The following TENM1 variants were observed in gnomAD, a reference collection of about 807,000 sequenced individuals.
The protein encoded by TENM1 is teneurin-1.
In TENM1, 35 loss-of-function variants were observed where a neutral mutation model predicts 174.8. That is an observed-to-expected ratio of 0.20 (90% CI 0.15 to 0.27). The LOEUF (loss-of-function observed/expected upper bound fraction) is 0.27, where lower values mean the gene tolerates loss of function less well. Among genes scored for constraint, TENM1 ranks in the 10% least tolerant of loss-of-function variants. The pLI, the probability that TENM1 is intolerant of heterozygous loss-of-function variation, is 1.00. For missense variants in TENM1, 1,633 were observed against 2,130.1 expected (o/e 0.77, Z 4.59); for synonymous variants, 781 against 798.7 (o/e 0.98, Z 0.37).
chrX:124,407,968 C>T (rs1169408445), intron 25 of TENM1, among the ~76,000 whole-genome samples: 3 of 110,973 alleles, frequency 2.7e-5, no homozygotes, highest in Non-Finnish European at 5.7e-5. Context: ...GGGTTAATGG[C>T]AAAATCCTTC....
chrX:124,873,944 T>A (rs1249277925), intron 3 of TENM1, among the ~76,000 whole-genome samples: 1 of 111,735 alleles, frequency 8.9e-6, no homozygotes, highest in Non-Finnish European at 1.9e-5. Flanking sequence ...TACTTATATG[T>A]CTTATTCTCT....
At chrX:124,648,112 A>C (rs1328458884) in intron 8 of TENM1, among the ~76,000 whole-genome samples, 3 of 111,767 alleles carry the variant, frequency 2.7e-5, no homozygotes, top group Non-Finnish European at 5.6e-5. Flanking sequence ...TCAGCTCTAG[A>C]TCTACCAAAC....
chrX:124,438,269 T>C (rs1314591218), intron 23 of TENM1, among the ~76,000 whole-genome samples: 1 of 111,386 alleles, frequency 9.0e-6, no homozygotes, highest in Non-Finnish European at 1.9e-5. Context: ...TCAACCCACA[T>C]ACAAGGATAG....
chrX:125,126,862 G>T, the TENM1 span, among the ~76,000 whole-genome samples: 1 of 111,469 alleles, frequency 9.0e-6, no homozygotes, highest in Non-Finnish European at 1.9e-5. Flanking sequence ...GTGGAAATGG[G>T]TTGGATGGAG....
the TENM1 span, among the ~76,000 whole-genome samples, chrX:125,111,029 G>A: frequency 1.3e-4 from 15 of 111,886 alleles, no homozygotes; most frequent in Admixed American, 1.3e-3. Context: ...CACATGGTAG[G>A]TACTCCCTAA....
At chrX:124,793,201 T>G (rs1334231646) in intron 3 of TENM1, among the ~76,000 whole-genome samples, 1 of 111,675 alleles carries the variant, frequency 9.0e-6, no homozygotes, top group Non-Finnish European at 1.9e-5. Flanking sequence ...CAATAAATTA[T>G]GATCAATATA....
At position 124,750,461 on chromosome X, in the gene TENM1, C is replaced by T. The variant is rs750573143; in HGVS notation, c.536-13264G>A. On this transcript the variant is annotated intron_variant, in intron 3 of 31. Coordinates refer to ENST00000422452, the Ensembl canonical transcript of TENM1. ...TTAGACACACTGACTGTGGAGATAT[C>T]ACAAGTTTCATTTACTTCTTTTTAG... Among the ~76,000 whole-genome samples, 937 of 111,752 alleles carry T rather than the reference C, an allele frequency of 8.4e-3. 13 individuals carry two copies. The highest frequency in any genetic ancestry group is 0.029 in the African/African-American group (881 of 30,766).
At chrX:124,532,868 C>T (rs1000919964) in intron 15 of TENM1, among the ~76,000 whole-genome samples, 2 of 112,126 alleles carry the variant, frequency 1.8e-5, no homozygotes, top group Non-Finnish European at 3.8e-5. Flanking sequence ...CCATTTTTCA[C>T]GAGAATAACT....
intron 24 of TENM1, 89 bp downstream of exon 27, chrX:124,422,183 G>GCTTTTC (rs2060660774): frequency 4.6e-6 from 5 of 1,082,740 alleles, no homozygotes; most frequent in Admixed American, 2.8e-5. Flanking sequence ...GTAACACTTT[G>GCTTTTC]CTTTTCCTTT....
chrX:124,877,042 G>A (rs916387328), intron 3 of TENM1, among the ~76,000 whole-genome samples: 6 of 111,784 alleles, frequency 5.4e-5, no homozygotes, highest in Non-Finnish European at 9.4e-5. Flanking sequence ...CAGTTCAAAC[G>A]AAAATTTAAA....
chrX:124,891,615 C>A (rs929490162), intron 3 of TENM1, among the ~76,000 whole-genome samples: 46 of 106,685 alleles, frequency 4.3e-4, no homozygotes, highest in Admixed American at 1.0e-4. Context: ...GCCACGATCG[C>A]ACCACTGCAC....
At chrX:124,381,421 A>T in intron 31 of TENM1, 127 bp from the exon 35 acceptor site, 1 of 611,462 alleles carries the variant, frequency 1.6e-6, no homozygotes, top group Non-Finnish European at 2.5e-6. Flanking sequence ...TGAGTGATTT[A>T]AAAATAAGCC....
chrX:125,052,873 T>G, the TENM1 span, among the ~76,000 whole-genome samples: 29,118 of 110,855 alleles, frequency 0.26, 3,595 homozygotes, highest in African/African-American at 0.48. Context: ...ACAATTTTAA[T>G]TAAATTTTTA....
chrX:124,565,359 G>A lies in TENM1; in HGVS notation c.2263+16C>T. The A allele has an allele frequency of 8.6e-7, 1 of 1,156,775 alleles. No individual in the cohort carries two copies. On this transcript the variant is annotated intron_variant, in intron 12 of 31. Transcript: ENST00000422452. Reference sequence around the variant, plus strand: ...ACTAATCCAACTTACTTTGGTTAAAGTATGGTGGTACTTACCAATTGTGCA... The same window carrying A: ...ACTAATCCAACTTACTTTGGTTAAAATATGGTGGTACTTACCAATTGTGCA...
At chrX:124,563,816 A>G (rs958939551) in intron 12 of TENM1, 44 bp from the exon 16 acceptor site, 2 of 1,126,081 alleles carry the variant, frequency 1.8e-6, no homozygotes, top group Admixed American at 4.6e-5. Flanking sequence ...TTTCTGAGAG[A>G]CTAAAGCTAT....
intron 3 of TENM1, among the ~76,000 whole-genome samples, chrX:124,844,884 T>C (rs938892937): frequency 1.8e-5 from 2 of 111,243 alleles, no homozygotes; most frequent in Admixed American, 9.6e-5. Flanking sequence ...ATGAGGTCCA[T>C]GGACCACCTA....
At chrX:124,979,312 C>T in the TENM1 span, among the ~76,000 whole-genome samples, 40 of 111,761 alleles carry the variant, frequency 3.6e-4, no homozygotes, top group Admixed American at 1.9e-4. Flanking sequence ...CGTTGAGCTT[C>T]ATAATTGTTT....
chrX:124,514,955 A>G (rs769451518), intron 18 of TENM1, among the ~76,000 whole-genome samples: 48 of 111,260 alleles, frequency 4.3e-4, no homozygotes, highest in Non-Finnish European at 7.9e-4. Flanking sequence ...CTTAAAAAAA[A>G]AATTTGCAAA....
At chrX:124,623,222 C>T (rs1483277632) in intron 11 of TENM1, among the ~76,000 whole-genome samples, 4 of 109,259 alleles carry the variant, frequency 3.7e-5, no homozygotes, top group Non-Finnish European at 5.7e-5. Flanking sequence ...TGTGCATGAA[C>T]GTGCAACAGT....
Sources: allele counts gnomAD v4.1 joint callset (sites outside exome capture counted in the v4.1 genomes callset), GRCh38; gene constraint gnomAD v4.1.1; transcripts MANE v1.5; gene names NCBI Gene and HGNC (gene_info 2026-07-23, HGNC 2026-07-21).